The following AIM2 variants were observed in gnomAD, a reference collection of about 807,000 sequenced individuals.
AIM2 encodes the protein interferon-inducible protein AIM2.
A neutral mutation model predicts 27.7 loss-of-function variants in AIM2; 30 were observed. The ratio of observed to expected loss-of-function variants is 1.08; its 90% confidence interval spans 0.81 to 1.47. The LOEUF (loss-of-function observed/expected upper bound fraction) is 1.47. Among genes scored for constraint, AIM2 ranks in the 40% most tolerant of loss-of-function variants. The pLI, the probability that AIM2 is intolerant of heterozygous loss-of-function variation, is 0.00. For synonymous variants in AIM2, 141 were observed against 145.3 expected (o/e 0.97, Z 0.21); for missense variants, 358 against 411.3 (o/e 0.87, Z 1.12).
At chr1:159,099,118 C>T (rs1311348630) in intron 1 of AIM2, among the ~76,000 whole-genome samples, 1 of 151,616 alleles carries the variant, frequency 6.6e-6, no homozygotes, top group Non-Finnish European at 1.5e-5. Flanking sequence ...AAGAGTATGG[C>T]AAGGGTTATT....
At chr1:159,086,380 T>C in intron 1 of AIM2, among the ~76,000 whole-genome samples, 1 of 152,252 alleles carries the variant, frequency 6.6e-6, no homozygotes, top group South Asian at 2.1e-4. Context: ...GTTTGTGACA[T>C]GAGGCTGCCT....
chr1:159,087,528 G>A (rs993625239), intron 1 of AIM2, among the ~76,000 whole-genome samples: 3 of 150,256 alleles, frequency 2.0e-5, no homozygotes, highest in African/African-American at 7.4e-5. Context: ...CCATCTGTGT[G>A]TTATAAAAAG....
chr1:159,123,538 GTTC>G (rs765302973), intron 1 of AIM2: 3 of 152,280 alleles, frequency 2.0e-5, no homozygotes, highest in South Asian at 4.1e-4. Context: ...GTGTTCAGAT[GTTC>G]TTCTTTCTTC....
At chr1:159,070,185 C>T (rs56185814) in intron 2 of AIM2, among the ~76,000 whole-genome samples, 1 of 151,898 alleles carries the variant, frequency 6.6e-6, no homozygotes, top group African/African-American at 2.4e-5. Flanking sequence ...AGTTAGTTAC[C>T]TGTCTCAGTT....
Position 159,066,211 on chromosome 1 carries a change from C to A in AIM2, c.515G>T (p.Gly172Val). The A allele has an allele frequency of 6.2e-7, 1 of 1,614,196 alleles. No individual in the cohort carries two copies. The highest frequency in any genetic ancestry group is 8.5e-7 in the Non-Finnish European group (1 of 1,180,040). The change falls in exon 4 of 6, where the codon GGC becomes GTC. Residue 172 changes from glycine to valine, a missense_variant. By Grantham distance (109) the Gly-to-Val change is moderately radical (BLOSUM62 -3). Coordinates refer to ENST00000368130, the MANE Select transcript of AIM2 (RefSeq NM_004833.3). Reference protein sequence around the residue: ...KKPFTFETQEGKQEMFHATVA... With the variant: ...KKPFTFETQEVKQEMFHATVA... Reference sequence around the variant, plus strand: ...TGTAGCATGAAACATCTCCTGCTTGCCTTCTTGGGTCTCAAACGTGAAGGG... The same window carrying A: ...TGTAGCATGAAACATCTCCTGCTTGACTTCTTGGGTCTCAAACGTGAAGGG...
chr1:159,122,348 A>G (rs1005857), intron 1 of AIM2: 20,225 of 152,220 alleles, frequency 0.13, 2,088 homozygotes, highest in South Asian at 0.5. Context: ...TTGTTTGCCA[A>G]TATTGCCACT....
intron 1 of AIM2, among the ~76,000 whole-genome samples, chr1:159,106,270 T>C (rs1657444484): frequency 6.6e-6 from 1 of 152,172 alleles, no homozygotes; most frequent in Non-Finnish European, 1.5e-5. Context: ...TCCCACCTGT[T>C]CCTGGCTCCC....
chr1:159,103,208 T>C (rs1459719499), intron 1 of AIM2, among the ~76,000 whole-genome samples: 1 of 152,208 alleles, frequency 6.6e-6, no homozygotes, highest in Admixed American at 6.5e-5. Context: ...TTCTGTCTCC[T>C]GACACCCTGT....
chr1:159,061,443 A>T (rs937472683), downstream of AIM2, among the ~76,000 whole-genome samples: 2 of 151,798 alleles, frequency 1.3e-5, no homozygotes, highest in Non-Finnish European at 2.9e-5. Context: ...CCCAGGCTGG[A>T]GTGCAATGGC....
At chr1:159,092,958 G>A (rs531453153) in intron 1 of AIM2, among the ~76,000 whole-genome samples, 9 of 151,992 alleles carry the variant, frequency 5.9e-5, no homozygotes, top group East Asian at 1.9e-4. Flanking sequence ...CCCAGGAGGC[G>A]GAGGTTGCAG....
intron 5 of AIM2, among the ~76,000 whole-genome samples, chr1:159,063,046 TG>T (rs1437029845): frequency 6.6e-6 from 1 of 152,176 alleles, no homozygotes; most frequent in African/African-American, 2.4e-5. Context: ...GAGGGTGTGG[TG>T]GAAGGTCAAG....
chr1:159,127,925 CT>C (rs1647765861), intron 1 of AIM2, among the ~76,000 whole-genome samples: 1 of 152,218 alleles, frequency 6.6e-6, no homozygotes, highest in Non-Finnish European at 1.5e-5. Context: ...AAAGTGCCTT[CT>C]TTTTCATCTT....
chr1:159,083,079 A>G (rs2102001205), intron 1 of AIM2, among the ~76,000 whole-genome samples: 1 of 152,328 alleles, frequency 6.6e-6, no homozygotes, highest in Non-Finnish European at 1.5e-5. Context: ...TATTAAAGAT[A>G]TGTCACTGAC....
At chr1:159,141,605 G>C (rs938066028), upstream of AIM2, among the ~76,000 whole-genome samples, 1 of 152,082 alleles carries the variant, frequency 6.6e-6, no homozygotes, top group Non-Finnish European at 1.5e-5. Flanking sequence ...GCACCTGCCA[G>C]GTGACCATCT....
At chr1:159,130,774 C>T (rs932075044) in intron 1 of AIM2, among the ~76,000 whole-genome samples, 1 of 149,172 alleles carries the variant, frequency 6.7e-6, no homozygotes, top group Non-Finnish European at 1.5e-5. Flanking sequence ...AAACTGTATT[C>T]CAAACTATAA....
intron 1 of AIM2, among the ~76,000 whole-genome samples, chr1:159,120,170 G>A (rs1249900069): frequency 6.6e-6 from 1 of 151,928 alleles, no homozygotes; most frequent in Non-Finnish European, 1.5e-5. Flanking sequence ...TAGAATATAC[G>A]TAAAATAATT....
chr1:159,087,286 G>C (rs576320443), intron 1 of AIM2, among the ~76,000 whole-genome samples: 1 of 151,676 alleles, frequency 6.6e-6, no homozygotes, highest in Non-Finnish European at 1.5e-5. Flanking sequence ...GGCTGAGTCA[G>C]GGTGATGGTA....
intron 1 of AIM2, among the ~76,000 whole-genome samples, chr1:159,086,705 T>C (rs892729999): frequency 1.3e-5 from 2 of 152,180 alleles, no homozygotes; most frequent in East Asian, 3.8e-4. Flanking sequence ...ACTACACCCG[T>C]GCAAGTTAAA....
upstream of AIM2, among the ~76,000 whole-genome samples, chr1:159,144,993 C>A (rs1017076309): frequency 1.3e-5 from 2 of 152,152 alleles, no homozygotes; most frequent in Non-Finnish European, 2.9e-5. Context: ...TGCCGTAAAC[C>A]TTATTAATCC....
Sources: gnomAD v4.1 joint callset for allele counts (sites outside exome capture counted in the v4.1 genomes callset) on GRCh38, gnomAD v4.1.1 for gene constraint, MANE v1.5 for transcripts, NCBI Gene and HGNC (gene_info 2026-07-23, HGNC 2026-07-21) for gene names.